Variants in ZNF804B observed in about 807,000 individuals in gnomAD.
The protein encoded by ZNF804B is zinc finger protein 804B, also known as zinc finger 804B.
Under a neutral mutation model 101.4 loss-of-function variants are expected in ZNF804B, and 80 were observed. The ratio of observed to expected loss-of-function variants is 0.79; its 90% CI spans 0.66 to 0.95. The LOEUF (loss-of-function observed/expected upper bound fraction) is 0.95, where lower values mean the gene tolerates loss of function less well. ZNF804B is among the 40% of genes least tolerant of loss of function. The probability of loss-of-function intolerance (pLI) is 0.00; values close to 1 mark genes in which losing one functional copy is unlikely to be tolerated. For missense variants in ZNF804B, 1,673 were observed against 1,561.9 expected (o/e 1.07, Z -1.20); for synonymous variants, 622 against 558.8 (o/e 1.11, Z -1.59).
chr7:88,779,540 G>A (rs73705515), intron 1 of ZNF804B, among the ~76,000 whole-genome samples: 8,263 of 152,096 alleles, frequency 0.054, 405 homozygotes, highest in African/African-American at 0.13. Context: ...CCAGACATAC[G>A]GTGCTAAAGT....
At chr7:89,217,365 C>G (rs1414167650) in intron 1 of ZNF804B, among the ~76,000 whole-genome samples, 3 of 152,076 alleles carry the variant, frequency 2.0e-5, no homozygotes, top group Non-Finnish European at 2.9e-5. Flanking sequence ...ACTTGGAGCC[C>G]ATGAGTGTGT....
intron 1 of ZNF804B, among the ~76,000 whole-genome samples, chr7:89,000,489 G>A (rs956808639): frequency 6.6e-6 from 1 of 151,850 alleles, no homozygotes; most frequent in Non-Finnish European, 1.5e-5. Flanking sequence ...ATGATTGTAA[G>A]GTATACAAGG....
At chr7:88,892,401 G>T (rs1158570265) in intron 1 of ZNF804B, among the ~76,000 whole-genome samples, 1 of 151,872 alleles carries the variant, frequency 6.6e-6, no homozygotes, top group Non-Finnish European at 1.5e-5. Context: ...TAGTTTTTTT[G>T]GGGAGTATCT....
chr7:89,179,740 T>G (rs1788267696), intron 1 of ZNF804B, among the ~76,000 whole-genome samples: 1 of 152,200 alleles, frequency 6.6e-6, no homozygotes. Flanking sequence ...TATGTATTTG[T>G]TGTCCTCATC....
chr7:89,251,522 C>T (rs1041194823), intron 2 of ZNF804B, among the ~76,000 whole-genome samples: 3 of 149,846 alleles, frequency 2.0e-5, no homozygotes, highest in Admixed American at 1.3e-4. Flanking sequence ...CCATACTGCC[C>T]AAAGCAATGT....
At chr7:89,180,531 C>T (rs890001019) in intron 1 of ZNF804B, among the ~76,000 whole-genome samples, 2 of 151,902 alleles carry the variant, frequency 1.3e-5, no homozygotes, top group Admixed American at 1.3e-4. Context: ...CAATGGGCTC[C>T]CTCCTGGCTC....
chr7:89,199,666 C>T (rs1788602312), intron 1 of ZNF804B, among the ~76,000 whole-genome samples: 1 of 151,790 alleles, frequency 6.6e-6, no homozygotes, highest in Admixed American at 6.6e-5. Flanking sequence ...GAACGATACT[C>T]CTAACCACAA....
chr7:88,765,597 T>C (rs542729236), intron 1 of ZNF804B, among the ~76,000 whole-genome samples: 6 of 152,168 alleles, frequency 3.9e-5, no homozygotes, highest in Non-Finnish European at 7.4e-5. Flanking sequence ...AATTCTTTGG[T>C]ATATATGAAC....
chr7:88,852,561 T>G (rs1791463611), intron 1 of ZNF804B, among the ~76,000 whole-genome samples: 2 of 152,016 alleles, frequency 1.3e-5, no homozygotes, highest in African/African-American at 4.8e-5. Flanking sequence ...ATTGGCTGAC[T>G]CTCCAAGACA....
At chr7:88,786,131 A>G (rs138935017) in intron 1 of ZNF804B, among the ~76,000 whole-genome samples, 8 of 152,276 alleles carry the variant, frequency 5.3e-5, no homozygotes, top group African/African-American at 1.9e-4. Flanking sequence ...AACTAAATGC[A>G]GAGAGAAAAT....
chr7:89,267,361 G>A (rs1206829265), intron 2 of ZNF804B, among the ~76,000 whole-genome samples: 1 of 152,116 alleles, frequency 6.6e-6, no homozygotes, highest in African/African-American at 2.4e-5. Flanking sequence ...TCTGGTGGTT[G>A]CAAGTGACAA....
intron 1 of ZNF804B, among the ~76,000 whole-genome samples, chr7:88,909,278 G>A (rs2115970894): frequency 6.6e-6 from 1 of 151,896 alleles, no homozygotes; most frequent in Admixed American, 6.6e-5. Flanking sequence ...TCATCTGCAT[G>A]AGAAGATTAA....
chr7:89,290,542 C>G (rs973269386), intron 2 of ZNF804B, among the ~76,000 whole-genome samples: 3 of 152,018 alleles, frequency 2.0e-5, no homozygotes, highest in African/African-American at 7.3e-5. Context: ...ACTAAAGAGC[C>G]CTTTGGTCTT....
intron 1 of ZNF804B, among the ~76,000 whole-genome samples, chr7:89,198,608 A>G (rs1225186165): frequency 6.6e-6 from 1 of 151,996 alleles, no homozygotes; most frequent in African/African-American, 2.4e-5. Flanking sequence ...AATACATGTA[A>G]TTACAGAGTG....
intron 1 of ZNF804B, among the ~76,000 whole-genome samples, chr7:88,991,430 A>C (rs1358241702): frequency 6.6e-6 from 1 of 152,144 alleles, no homozygotes; most frequent in Non-Finnish European, 1.5e-5. Context: ...TGGATGATGT[A>C]TATGCCCTGC....
chr7:89,134,486 T>C (rs1790600777), intron 1 of ZNF804B, among the ~76,000 whole-genome samples: 1 of 151,738 alleles, frequency 6.6e-6, no homozygotes, highest in Non-Finnish European at 1.5e-5. Context: ...TTCCTTAGAG[T>C]TTCTAAGGAA....
intron 2 of ZNF804B, among the ~76,000 whole-genome samples, chr7:89,315,298 C>T (rs552088319): frequency 5.3e-5 from 8 of 152,188 alleles, no homozygotes; most frequent in Admixed American, 2.6e-4. Flanking sequence ...CACACGAGGC[C>T]GCAGCTCCAC....
intron 2 of ZNF804B, among the ~76,000 whole-genome samples, chr7:89,257,638 G>A: frequency 1.3e-5 from 2 of 152,052 alleles, no homozygotes; most frequent in East Asian, 1.9e-4. Context: ...TTTAGGTTAA[G>A]GGATACATGT....
At chr7:89,232,827 AT>A (rs1206992577) in intron 2 of ZNF804B, among the ~76,000 whole-genome samples, 1 of 151,764 alleles carries the variant, frequency 6.6e-6, no homozygotes, top group Non-Finnish European at 1.5e-5. Flanking sequence ...GTTTTCATTT[AT>A]TTTCTTTTTA....
Sources: allele counts gnomAD v4.1 joint callset (sites outside exome capture counted in the v4.1 genomes callset), GRCh38; gene constraint gnomAD v4.1.1; transcripts MANE v1.5; gene names NCBI Gene and HGNC (gene_info 2026-07-23, HGNC 2026-07-21).